Variants in ALLC observed in about 807,000 individuals in gnomAD.
ALLC encodes allantoicase, also known as probable inactive allantoicase.
Under a neutral mutation model 45.0 loss-of-function variants are expected in ALLC, and 40 were observed. That is an observed-to-expected ratio of 0.89 (90% CI 0.69 to 1.16). The LOEUF (loss-of-function observed/expected upper bound fraction) is 1.16, where lower values mean the gene tolerates loss of function less well. Among genes scored for constraint, ALLC ranks in the 50% most tolerant of loss-of-function variants. The pLI is 0.00. For synonymous variants in ALLC, 176 were observed against 178.1 expected (o/e 0.99, Z 0.09); for missense variants, 488 against 493.1 (o/e 0.99, Z 0.10).
intron 9 of ALLC, among the ~76,000 whole-genome samples, chr2:3,696,829 A>G (rs955285601): frequency 1.3e-5 from 2 of 152,216 alleles, no homozygotes; most frequent in Admixed American, 1.3e-4. Flanking sequence ...AACAAAAAAT[A>G]CAATGCCTTT....
chr2:3,646,225 A>T, the ALLC span, among the ~76,000 whole-genome samples: 6 of 152,210 alleles, frequency 3.9e-5, no homozygotes, highest in African/African-American at 1.4e-4. Flanking sequence ...TAACGGACCC[A>T]CTGCATGTGC....
In ALLC at chr2:3,671,113, C is replaced by T. The variant is rs1666856940; in HGVS notation, c.-45C>T. Reference sequence around the variant, plus strand: ...CCTTCCAGGAAGCACGGCTGATGCTCCGAAGGAGGGAAGACTGACCCGGTT... The same window carrying T: ...CCTTCCAGGAAGCACGGCTGATGCTTCGAAGGAGGGAAGACTGACCCGGTT... On this transcript the variant is annotated 5_prime_UTR_variant, in exon 2 of 12. Transcript: ENST00000252505. The T allele has an allele frequency of 6.3e-7, 1 of 1,599,982 alleles. No individual in the cohort carries two copies. The highest frequency in any genetic ancestry group is 8.5e-7 in the Non-Finnish European group (1 of 1,173,320).
chr2:3,697,066 T>C (rs1179501387), intron 9 of ALLC, among the ~76,000 whole-genome samples: 2 of 152,180 alleles, frequency 1.3e-5, no homozygotes, highest in Non-Finnish European at 2.9e-5. Context: ...TAGACGAAGA[T>C]TGCTGCACGT....
At chr2:3,695,400 TG>T (rs1558548034) in intron 7 of ALLC, 2 of 300,014 alleles carry the variant, frequency 6.7e-6, no homozygotes, top group Non-Finnish European at 1.2e-5. Flanking sequence ...AAATGTAACC[TG>T]GGGAGTCAGG....
At chr2:3,651,321 G>A in the ALLC span, among the ~76,000 whole-genome samples, 1 of 1,726 alleles carries the variant, frequency 5.8e-4, no homozygotes, top group African/African-American at 2.1e-3. Flanking sequence ...GGTGGGGGGG[G>A]TGTGTGTGTG....
intron 1 of ALLC, 103 bp from the exon 2 acceptor site, chr2:3,670,993 G>A (rs1214440433): frequency 1.5e-6 from 1 of 671,706 alleles, no homozygotes; most frequent in East Asian, 2.7e-5. Context: ...TTCTGTCACT[G>A]CCTGACTTTT....
rs200769609 is a variant in ALLC, at chr2:3,664,902, CA to C, written c.-62-6190del. The stretch of plus-strand genomic sequence containing the variant: ...CTGTCTCCAAAAAAAAAAACAAAAC[CA>C]AAACCCCCCCCCAAACCAGATGTTT... On this transcript the variant is annotated intron_variant, in intron 1 of 11. Transcript: ENST00000252505. Among the ~76,000 whole-genome samples, 230 of 149,838 alleles carry C rather than the reference CA, an allele frequency of 1.5e-3. 4 individuals carry two copies. The highest frequency in any genetic ancestry group is 5.6e-3 in the African/African-American group (223 of 40,052).
rs757890281 is a variant in ALLC, at chr2:3,683,030, A to G, written c.467A>G (p.Asn156Ser). 8.1e-6 allele frequency: 13 copies of G among 1,613,908 alleles called. No individual in the cohort carries two copies. Among genetic ancestry groups the G allele is most frequent in the South Asian group, 3.3e-5 (3 of 91,088 alleles). Residue 156 changes from asparagine to serine, a missense_variant, in exon 7 of 12, where the codon AAT becomes AGT. Asn to Ser is a conservative substitution (Grantham distance 46). Coordinates refer to ENST00000252505, the MANE Select transcript of ALLC (RefSeq NM_018436.4). ...TCCGGCCACAACTATTTTCTTGTCAATTCCCAGCAGAGATGGACTCATATC... is the reference window on the plus strand; with the variant it reads ...TCCGGCCACAACTATTTTCTTGTCAGTTCCCAGCAGAGATGGACTCATATC... ...PASGHNYFLV[N>S]SQQRWTHIRL...
At chr2:3,650,211 G>A in the ALLC span, among the ~76,000 whole-genome samples, 1 of 152,214 alleles carries the variant, frequency 6.6e-6, no homozygotes, top group Non-Finnish European at 1.5e-5. Context: ...ACCTCCTGGA[G>A]GAGGGAACAC....
chr2:3,701,366 C>A, intron 10 of ALLC, 146 bp from the exon 11 acceptor site: 1 of 941,738 alleles, frequency 1.1e-6, no homozygotes, highest in Non-Finnish European at 1.5e-6. Context: ...CCTTCCCTCA[C>A]ATACTTCATA....
chr2:3,656,388 G>A (rs750080690), upstream of ALLC, among the ~76,000 whole-genome samples: 2 of 152,208 alleles, frequency 1.3e-5, no homozygotes, highest in Non-Finnish European at 2.9e-5. Flanking sequence ...CCACAGATGG[G>A]TCCACAGGAC....
At chr2:3,669,153 A>G (rs1004191910) in intron 1 of ALLC, among the ~76,000 whole-genome samples, 6 of 151,792 alleles carry the variant, frequency 4.0e-5, no homozygotes, top group African/African-American at 1.2e-4. Context: ...CTTGGCCAAC[A>G]TGGTGAAACC....
rs183364051 is a variant in ALLC at position 3,682,330 on chromosome 2, C to G, written c.379-612C>G. Among the ~76,000 whole-genome samples, 439 of 152,280 alleles carry G rather than the reference C, an allele frequency of 2.9e-3. 2 individuals carry two copies. The highest frequency in any genetic ancestry group is 6.4e-3 in the South Asian group (31 of 4,820). ...GTTTTTATTTGAATGTTCACCTCAC[C>G]ACACCTCAAGGTGAAGACATTTGGA... On this transcript the variant is annotated intron_variant, in intron 6 of 11. Transcript: ENST00000252505.
intron 1 of ALLC, among the ~76,000 whole-genome samples, chr2:3,664,335 C>T (rs1015781103): frequency 6.6e-6 from 1 of 152,166 alleles, no homozygotes; most frequent in Non-Finnish European, 1.5e-5. Flanking sequence ...TTGCGTTTAT[C>T]TCAAGGTAAC....
the ALLC span, among the ~76,000 whole-genome samples, chr2:3,649,651 C>T: frequency 2.0e-5 from 3 of 152,240 alleles, no homozygotes; most frequent in Admixed American, 6.5e-5. Context: ...TTCAGGGGTG[C>T]GGGTGGCCCA....
At chr2:3,661,070 G>A (rs1310422808) in intron 1 of ALLC, among the ~76,000 whole-genome samples, 3 of 152,122 alleles carry the variant, frequency 2.0e-5, no homozygotes, top group Non-Finnish European at 4.4e-5. Context: ...TAGGCCTGGG[G>A]TCGGACTCAT....
chr2:3,650,364 A>G, the ALLC span, among the ~76,000 whole-genome samples: 2 of 152,162 alleles, frequency 1.3e-5, no homozygotes, highest in Non-Finnish European at 2.9e-5. Context: ...GTGGCCGGCC[A>G]CCGGGCTGAT....
chr2:3,684,400 C>G (rs908106469), intron 7 of ALLC, among the ~76,000 whole-genome samples: 2 of 152,150 alleles, frequency 1.3e-5, no homozygotes, highest in Non-Finnish European at 2.9e-5. Context: ...GGAAAAATTT[C>G]TCTTCAGATC....
chr2:3,671,292 G>T, intron 2 of ALLC, 102 bp downstream of exon 2: 1 of 1,396,452 alleles, frequency 7.2e-7, no homozygotes. Flanking sequence ...CAAGAATCAG[G>T]CTGAAGTGTT....
Sources: gnomAD v4.1 joint callset for allele counts (sites outside exome capture counted in the v4.1 genomes callset) on GRCh38, gnomAD v4.1.1 for gene constraint, MANE v1.5 for transcripts, NCBI Gene and HGNC (gene_info 2026-07-23, HGNC 2026-07-21) for gene names.